Variants in CAMTA1 observed in about 807,000 individuals in gnomAD.
The protein encoded by CAMTA1 is calmodulin-binding transcription activator 1.
In CAMTA1, 27 loss-of-function variants were observed where a neutral mutation model predicts 170.9. The ratio of observed to expected loss-of-function variants is 0.16; its 90% CI spans 0.12 to 0.22. The LOEUF (loss-of-function observed/expected upper bound fraction) is 0.22. Among genes scored for constraint, CAMTA1 ranks in the 10% least tolerant of loss-of-function variants. The pLI is 1.00. For synonymous variants in CAMTA1, 833 were observed against 891.5 expected (o/e 0.93, Z 1.17); for missense variants, 1,619 against 2,217.2 (o/e 0.73, Z 5.42).
intron 3 of CAMTA1, among the ~76,000 whole-genome samples, chr1:7,016,868 A>G (rs915150132): frequency 1.3e-5 from 2 of 152,104 alleles, no homozygotes; most frequent in African/African-American, 4.8e-5. Context: ...GAAAAAAAAG[A>G]TTCATTGCCT....
intron 6 of CAMTA1, among the ~76,000 whole-genome samples, chr1:7,535,280 C>A (rs1050101053): frequency 1.3e-5 from 2 of 151,628 alleles, no homozygotes; most frequent in South Asian, 2.1e-4. Context: ...TGGGGCGATG[C>A]CTGCTGAGGG....
chr1:7,152,849 C>A (rs1256519253), intron 4 of CAMTA1, among the ~76,000 whole-genome samples: 1 of 152,220 alleles, frequency 6.6e-6, no homozygotes, highest in Non-Finnish European at 1.5e-5. Flanking sequence ...CGACCCTAAC[C>A]TTTCACAGAT....
intron 11 of CAMTA1, among the ~76,000 whole-genome samples, chr1:7,699,350 A>C (rs550747041): frequency 6.6e-6 from 1 of 152,222 alleles, no homozygotes; most frequent in South Asian, 2.1e-4. Flanking sequence ...AAACTTTCCT[A>C]ATCTGGACAT....
At chr1:7,620,161 C>G (rs1177876802) in intron 6 of CAMTA1, among the ~76,000 whole-genome samples, 1 of 152,194 alleles carries the variant, frequency 6.6e-6, no homozygotes, top group Non-Finnish European at 1.5e-5. Context: ...CGTGGGGCCA[C>G]TGTGGAGCCC....
intron 6 of CAMTA1, among the ~76,000 whole-genome samples, chr1:7,549,565 A>G (rs1476279461): frequency 2.0e-5 from 3 of 152,152 alleles, no homozygotes; most frequent in African/African-American, 7.2e-5. Context: ...AGTGCTTTAG[A>G]TAAAATGCAG....
At chr1:7,114,644 A>G (rs1644258083) in intron 4 of CAMTA1, among the ~76,000 whole-genome samples, 1 of 152,224 alleles carries the variant, frequency 6.6e-6, no homozygotes, top group Non-Finnish European at 1.5e-5. Flanking sequence ...TAATCCCAAA[A>G]TCTGCAGTCA....
intron 5 of CAMTA1, among the ~76,000 whole-genome samples, chr1:7,449,994 G>A (rs2092783443): frequency 6.6e-6 from 1 of 152,004 alleles, no homozygotes; most frequent in African/African-American, 2.4e-5. Flanking sequence ...TTGAATTCTG[G>A]CACTGCCATC....
chr1:6,861,194 G>A (rs1014583761), intron 3 of CAMTA1, among the ~76,000 whole-genome samples: 7 of 152,062 alleles, frequency 4.6e-5, no homozygotes, highest in Admixed American at 2.0e-4. Flanking sequence ...GACCTCAAGC[G>A]ATCCGCCCGC....
chr1:7,708,048 C>A (rs565232835), intron 11 of CAMTA1, among the ~76,000 whole-genome samples: 6 of 152,266 alleles, frequency 3.9e-5, no homozygotes, highest in African/African-American at 1.4e-4. Flanking sequence ...TTTAAAAATA[C>A]GGCCAGGTGT....
chr1:6,837,934 A>G (rs1349193804), intron 3 of CAMTA1, among the ~76,000 whole-genome samples: 1 of 152,196 alleles, frequency 6.6e-6, no homozygotes, highest in Non-Finnish European at 1.5e-5. Flanking sequence ...CATCTAATAT[A>G]CTGTGTAAAT....
chr1:7,665,323 A>T lies in CAMTA1; in HGVS notation c.2652+124A>T, dbSNP rs1005992515. Reference sequence around the variant, plus strand: ...TCAGAGGAAGCTCTGGACCACAAAGATGATGCTTTCCCCTCCTTGTGTCCC... The same window carrying T: ...TCAGAGGAAGCTCTGGACCACAAAGTTGATGCTTTCCCCTCCTTGTGTCCC... On this transcript the variant is annotated intron_variant, in intron 9 of 22. Coordinates refer to ENST00000303635, the MANE Select transcript of CAMTA1 (RefSeq NM_015215.4). The surrounding 1 kb of genome is among the most constrained non-coding windows in gnomAD (Gnocchi z 4.3). 10 of 728,962 alleles carry T rather than the reference A, an allele frequency of 1.4e-5. No individual in the cohort carries two copies. The South Asian group carries it at 4.4e-4, about 32-fold the overall frequency. 45.2% of individuals were successfully genotyped at this position (728,962 alleles called of 1,614,324 possible). A position where few individuals can be genotyped will look rare whatever the true frequency, so the allele number is the denominator to read the frequency against.
rs1296959957 is a variant in CAMTA1, at chr1:7,646,708, T to C, written c.664+6155T>C. ...CTGTGAGGGTGAAAGTCATGGTGAG[T>C]TGGGTAGAGGCCATGGTGACTGTGA... On this transcript the variant is annotated intron_variant, in intron 7 of 22. Transcript: ENST00000303635. Among the ~76,000 whole-genome samples the C allele has an allele frequency of 5.1e-5, 7 of 136,152 alleles. 1 individual carries two copies. Among genetic ancestry groups the C allele is most frequent in the Admixed American group, 4.4e-4 (6 of 13,682 alleles). The allele number at this position is 136,152 out of a possible 152,430, so 89.3% of individuals were successfully genotyped here. A position where few individuals can be genotyped will look rare whatever the true frequency, so the allele number is the denominator to read the frequency against.
intron 11 of CAMTA1, among the ~76,000 whole-genome samples, chr1:7,697,832 C>T (rs1279644220): frequency 6.6e-6 from 1 of 152,198 alleles, no homozygotes; most frequent in Admixed American, 6.5e-5. Flanking sequence ...TGGTAGCAAA[C>T]ACTGTTTCTC....
At chr1:7,036,200 T>C (rs553617464) in intron 3 of CAMTA1, among the ~76,000 whole-genome samples, 3 of 152,334 alleles carry the variant, frequency 2.0e-5, no homozygotes, top group East Asian at 3.9e-4. Context: ...TGAATTTTTA[T>C]GACAGAAAAT....
chr1:7,710,474 C>G (rs1308562230), intron 11 of CAMTA1, among the ~76,000 whole-genome samples: 1 of 151,914 alleles, frequency 6.6e-6, no homozygotes, highest in African/African-American at 2.4e-5. Flanking sequence ...GTGGCACACA[C>G]CTATAGTCCC....
At chr1:7,211,394 A>T (rs1340304646) in intron 4 of CAMTA1, among the ~76,000 whole-genome samples, 2 of 152,220 alleles carry the variant, frequency 1.3e-5, no homozygotes, top group Non-Finnish European at 2.9e-5. Context: ...TTTCTTTCTA[A>T]CCAGTTCTTT....
intron 3 of CAMTA1, among the ~76,000 whole-genome samples, chr1:7,030,511 T>A (rs1277948127): frequency 6.6e-6 from 1 of 152,236 alleles, no homozygotes; most frequent in Non-Finnish European, 1.5e-5. Context: ...TTCCCAATTC[T>A]AATTCTTACT....
intron 5 of CAMTA1, among the ~76,000 whole-genome samples, chr1:7,357,850 T>C (rs185986919): frequency 1.2e-4 from 18 of 152,316 alleles, no homozygotes; most frequent in Admixed American, 2.6e-4. Context: ...GCCGGGCTGC[T>C]GGAGCTTGGG....
intron 4 of CAMTA1, among the ~76,000 whole-genome samples, chr1:7,189,828 C>T (rs933576586): frequency 6.6e-6 from 1 of 152,206 alleles, no homozygotes; most frequent in African/African-American, 2.4e-5. Flanking sequence ...AACTTTCACA[C>T]TCATGTTTAT....
Sources: gnomAD v4.1 joint callset for allele counts (sites outside exome capture counted in the v4.1 genomes callset) on GRCh38, gnomAD v4.1.1 for gene constraint, Gnocchi (gnomAD v3.1) non-coding constraint, MANE v1.5 for transcripts, NCBI Gene and HGNC (gene_info 2026-07-23, HGNC 2026-07-21) for gene names.